The following GADL1 variants were observed in gnomAD, a reference collection of about 807,000 sequenced individuals.
The protein encoded by GADL1 is acidic amino acid decarboxylase GADL1.
Under a neutral mutation model 69.5 loss-of-function variants are expected in GADL1, and 71 were observed. The ratio of observed to expected loss-of-function variants is 1.02; its 90% CI spans 0.84 to 1.25. GADL1 has a LOEUF of 1.25. Ranked by LOEUF, GADL1 falls within the 50% of genes most tolerant of loss-of-function variation. The pLI, the probability that GADL1 is intolerant of heterozygous loss-of-function variation, is 0.00. For missense variants in GADL1, 737 were observed against 631.8 expected, an observed-to-expected ratio of 1.17 and a Z score of -1.79; for synonymous variants, 254 against 214.4, an observed-to-expected ratio of 1.18 and a Z score of -1.62.
intron 8 of GADL1, among the ~76,000 whole-genome samples, chr3:30,841,018 A>G (rs1391710514): frequency 6.6e-6 from 1 of 152,224 alleles, no homozygotes; most frequent in Non-Finnish European, 1.5e-5. Context: ...AGACAAGGTC[A>G]CTGCAACAGT....
At chr3:30,841,325 T>C (rs1457362152) in intron 8 of GADL1, among the ~76,000 whole-genome samples, 2 of 152,212 alleles carry the variant, frequency 1.3e-5, no homozygotes, top group Non-Finnish European at 2.9e-5. Context: ...ATTTTTACTT[T>C]TCAAAAACTT....
chr3:30,751,499 G>A (rs1695816799), intron 14 of GADL1, among the ~76,000 whole-genome samples: 1 of 150,204 alleles, frequency 6.7e-6, no homozygotes, highest in Non-Finnish European at 1.5e-5. Flanking sequence ...CTAGAACCTG[G>A]GCAACTAGAT....
chr3:30,768,564 G>A (rs1303994762), intron 14 of GADL1, among the ~76,000 whole-genome samples: 1 of 143,822 alleles, frequency 7.0e-6, no homozygotes. Flanking sequence ...AGAGAGAAGG[G>A]GTGGGGAGGG....
intron 11 of GADL1, among the ~76,000 whole-genome samples, chr3:30,833,045 T>G (rs1344803103): frequency 6.6e-6 from 1 of 151,974 alleles, no homozygotes; most frequent in Non-Finnish European, 1.5e-5. Context: ...CAAATAAAAT[T>G]CCTTAAAAAC....
intron 13 of GADL1, chr3:30,778,596 CCT>C (rs1489866498): frequency 4.8e-6 from 1 of 208,260 alleles, no homozygotes; most frequent in East Asian, 1.1e-4. Flanking sequence ...TGCCCTGGAT[CCT>C]CTCTCTCCAA....
intron 12 of GADL1, among the ~76,000 whole-genome samples, chr3:30,791,676 C>T (rs1238608435): frequency 6.6e-6 from 1 of 152,054 alleles, no homozygotes; most frequent in Non-Finnish European, 1.5e-5. Flanking sequence ...GTTCCTATCG[C>T]AGTCACTTTC....
intron 11 of GADL1, among the ~76,000 whole-genome samples, chr3:30,825,568 C>T (rs752003372): frequency 8.6e-5 from 13 of 151,820 alleles, no homozygotes; most frequent in Non-Finnish European, 1.5e-4. Context: ...AACTAAAATT[C>T]TGCAAAGAAA....
chr3:30,816,632 G>A (rs1053418124), intron 11 of GADL1, among the ~76,000 whole-genome samples: 4 of 126,138 alleles, frequency 3.2e-5, no homozygotes, highest in South Asian at 2.7e-4. Flanking sequence ...TGCAACCTCC[G>A]CCTCCCAGTT....
At chr3:30,740,890 A>G (rs1456777096) in intron 14 of GADL1, among the ~76,000 whole-genome samples, 1 of 134,378 alleles carries the variant, frequency 7.4e-6, no homozygotes, top group Non-Finnish European at 1.5e-5. Context: ...TTATATTTAT[A>G]CAAACAAACA....
chr3:30,862,546 G>A (rs537425622), intron 1 of GADL1, among the ~76,000 whole-genome samples: 1 of 152,062 alleles, frequency 6.6e-6, no homozygotes, highest in South Asian at 2.1e-4. Flanking sequence ...GAAGCTTTGG[G>A]CAGAGATAAA....
intron 11 of GADL1, among the ~76,000 whole-genome samples, chr3:30,815,344 AG>A (rs1559507519): frequency 4.6e-5 from 7 of 152,168 alleles, no homozygotes; most frequent in African/African-American, 1.7e-4. Flanking sequence ...GTCGGTTAGG[AG>A]GAGGGCTATG....
At chr3:30,833,996 A>G in intron 10 of GADL1, 62 bp from the exon 11 acceptor site, 1 of 1,134,402 alleles carries the variant, frequency 8.8e-7, no homozygotes, top group Non-Finnish European at 1.3e-6. Flanking sequence ...CAGGCAATGG[A>G]ATACTATCAT....
chr3:30,737,475 T>G (rs1470583818), intron 14 of GADL1, among the ~76,000 whole-genome samples: 1 of 152,184 alleles, frequency 6.6e-6, no homozygotes, highest in Non-Finnish European at 1.5e-5. Context: ...CTCTTAGTTT[T>G]GATTGCTCAA....
At chr3:30,771,926 A>G (rs988960539) in intron 14 of GADL1, among the ~76,000 whole-genome samples, 4 of 152,208 alleles carry the variant, frequency 2.6e-5, no homozygotes, top group Admixed American at 6.5e-5. Flanking sequence ...ACATGCAAAA[A>G]GACATTCAGG....
intron 11 of GADL1, among the ~76,000 whole-genome samples, chr3:30,808,948 A>G (rs1186063801): frequency 6.6e-6 from 1 of 152,112 alleles, no homozygotes; most frequent in Non-Finnish European, 1.5e-5. Flanking sequence ...CTTCTGTGTA[A>G]CCTCTGTTTT....
chr3:30,755,126 TGG>T (rs1178240154), intron 14 of GADL1, among the ~76,000 whole-genome samples: 2 of 147,764 alleles, frequency 1.4e-5, no homozygotes, highest in Non-Finnish European at 2.9e-5. Context: ...AAAGCTGACT[TGG>T]GACTCTATAG....
intron 11 of GADL1, among the ~76,000 whole-genome samples, chr3:30,807,169 C>A (rs1394883984): frequency 3.3e-5 from 5 of 152,114 alleles, no homozygotes; most frequent in East Asian, 1.9e-4. Context: ...TCTTACCCAC[C>A]ACTCTTCCTC....
At chr3:30,834,629 G>C (rs1056444152) in intron 9 of GADL1, among the ~76,000 whole-genome samples, 1 of 152,058 alleles carries the variant, frequency 6.6e-6, no homozygotes, top group African/African-American at 2.4e-5. Flanking sequence ...CTAACATTTT[G>C]CTATTCAGTG....
chr3:30,878,541 G>A (rs1409129814), intron 1 of GADL1, among the ~76,000 whole-genome samples: 1 of 151,924 alleles, frequency 6.6e-6, no homozygotes, highest in Non-Finnish European at 1.5e-5. Flanking sequence ...ATGACTGATA[G>A]ACATTTGATA....
Sources: allele counts gnomAD v4.1 joint callset (sites outside exome capture counted in the v4.1 genomes callset), GRCh38; gene constraint gnomAD v4.1.1; transcripts MANE v1.5; gene names NCBI Gene and HGNC (gene_info 2026-07-23, HGNC 2026-07-21).